The following ACSM6 variants were observed in gnomAD, a reference collection of about 807,000 sequenced individuals.
The protein encoded by ACSM6 is acyl-coenzyme A synthetase ACSM6, mitochondrial.
ACSM6 carries 35 observed loss-of-function variants against 51.1 expected under a neutral mutation model. The observed-to-expected ratio is 0.69, with a 90% CI of 0.52 to 0.91. The LOEUF is 0.91. ACSM6 is among the 40% of genes least tolerant of loss of function. The pLI, the probability that ACSM6 is intolerant of heterozygous loss-of-function variation, is 0.00. For missense variants in ACSM6, 509 were observed against 584.1 expected (o/e 0.87, Z 1.32); for synonymous variants, 172 against 207.3 (o/e 0.83, Z 1.46).
chr10:95,197,319 C>T (rs2034739820), intron 2 of ACSM6, among the ~76,000 whole-genome samples: 1 of 152,154 alleles, frequency 6.6e-6, no homozygotes, highest in South Asian at 2.1e-4. Flanking sequence ...GGGACCGGCA[C>T]TCAGCATACC....
At chr10:95,196,367 A>G (rs1238485490) in intron 2 of ACSM6, among the ~76,000 whole-genome samples, 1 of 152,196 alleles carries the variant, frequency 6.6e-6, no homozygotes, top group East Asian at 1.9e-4. Context: ...CAGCCCAACT[A>G]AACATTGGTT....
At chr10:95,196,840 CTA>C (rs1164782685) in intron 2 of ACSM6, among the ~76,000 whole-genome samples, 1 of 152,138 alleles carries the variant, frequency 6.6e-6, no homozygotes, top group African/African-American at 2.4e-5. Flanking sequence ...TTTAATATCT[CTA>C]TGTTTATAAA....
intron 10 of ACSM6, among the ~76,000 whole-genome samples, chr10:95,226,849 C>T (rs2035044540): frequency 6.6e-6 from 1 of 152,118 alleles, no homozygotes; most frequent in African/African-American, 2.4e-5. Context: ...CCACTATTAA[C>T]ATTTGATGTG....
chr10:95,209,097 A>T (rs1054529402), intron 4 of ACSM6, among the ~76,000 whole-genome samples: 1 of 152,166 alleles, frequency 6.6e-6, no homozygotes, highest in Admixed American at 6.6e-5. Flanking sequence ...GGCAAATTAA[A>T]TAAATTGGTC....
At chr10:95,225,173 G>C (rs1343135941) in intron 9 of ACSM6, 117 bp from the exon 10 acceptor site, 15 of 745,010 alleles carry the variant, frequency 2.0e-5, no homozygotes, top group Middle Eastern at 2.8e-4. Flanking sequence ...CACCAACCAA[G>C]CACTTTCCTG....
chr10:95,212,749 A>T, intron 6 of ACSM6, 109 bp from the exon 7 acceptor site: 1 of 808,500 alleles, frequency 1.2e-6, no homozygotes, highest in Non-Finnish European at 2.1e-6. Context: ...GCTGAGTTTC[A>T]AAGTCTGTGA....
At chr10:95,219,759 A>G (rs1476815767) in intron 8 of ACSM6, 132 bp from the exon 9 acceptor site, 1 of 625,796 alleles carries the variant, frequency 1.6e-6, no homozygotes, top group Non-Finnish European at 2.7e-6. Context: ...ATTTTTTTTT[A>G]ATCAAGATTA....
At chr10:95,210,478 C>G (rs539089265) in intron 4 of ACSM6, among the ~76,000 whole-genome samples, 172 bp from the exon 5 acceptor site, 94 of 151,740 alleles carry the variant, frequency 6.2e-4, no homozygotes, top group Middle Eastern at 3.4e-3. Context: ...AAAATTAATG[C>G]AAAAAAAATT....
intron 9 of ACSM6, among the ~76,000 whole-genome samples, 169 bp from the exon 10 acceptor site, chr10:95,225,121 G>C (rs1358030144): frequency 1.3e-5 from 2 of 152,136 alleles, no homozygotes; most frequent in Non-Finnish European, 2.9e-5. Context: ...TCACACTGAC[G>C]ACTGAACCAC....
At chr10:95,197,763 C>G (rs2034748458) in intron 2 of ACSM6, among the ~76,000 whole-genome samples, 1 of 152,200 alleles carries the variant, frequency 6.6e-6, no homozygotes, top group African/African-American at 2.4e-5. Flanking sequence ...CACCTCAGCA[C>G]AGACCCTTTA....
At chr10:95,210,684 A>G in exon 5 of ACSM6, 1 of 1,613,880 alleles carries the variant, frequency 6.2e-7, no homozygotes, top group Non-Finnish European at 8.5e-7. Flanking sequence ...CATGAGGACC[A>G]AAAGCCAAGA....
chr10:95,210,988 C>T (rs574724751), intron 5 of ACSM6, among the ~76,000 whole-genome samples, 195 bp downstream of exon 5: 1 of 152,194 alleles, frequency 6.6e-6, no homozygotes, highest in Non-Finnish European at 1.5e-5. Context: ...TAAGAGTAAG[C>T]AGGAGGGAAA....
chr10:95,212,176 CT>C, intron 6 of ACSM6, 142 bp downstream of exon 6: 5 of 984,620 alleles, frequency 5.1e-6, no homozygotes, highest in Non-Finnish European at 6.1e-6. Context: ...GCTCTCCCTG[CT>C]TGTGAGAGCA....
intron 4 of ACSM6, among the ~76,000 whole-genome samples, chr10:95,208,528 C>T (rs680829): frequency 0.08 from 12,205 of 152,084 alleles, 619 homozygotes; most frequent in Middle Eastern, 0.24. Flanking sequence ...ATTAAAATAG[C>T]GAGATGATGC....
intron 9 of ACSM6, among the ~76,000 whole-genome samples, chr10:95,222,545 CGCGGGAGGT>C (rs2035003558): frequency 6.6e-6 from 1 of 151,456 alleles, no homozygotes; most frequent in African/African-American, 2.4e-5. Context: ...ATCACTTGAA[CGCGGGAGGT>C]GCAGGTTGTA....
At chr10:95,212,176 C>T in intron 6 of ACSM6, 142 bp downstream of exon 6, 2 of 984,670 alleles carry the variant, frequency 2.0e-6, no homozygotes, top group Non-Finnish European at 3.0e-6. Context: ...GCTCTCCCTG[C>T]TTGTGAGAGC....
At chr10:95,212,775 T>C in intron 6 of ACSM6, 83 bp from the exon 7 acceptor site, 4 of 1,114,096 alleles carry the variant, frequency 3.6e-6, no homozygotes, top group East Asian at 2.4e-5. Flanking sequence ...TTCCCTGGAC[T>C]TTCCCGCCTG....
intron 3 of ACSM6, among the ~76,000 whole-genome samples, chr10:95,204,284 G>A (rs2034820962): frequency 6.6e-6 from 1 of 152,212 alleles, no homozygotes; most frequent in Non-Finnish European, 1.5e-5. Context: ...CGGGCGCAGT[G>A]GCTACGCCTG....
intron 7 of ACSM6, among the ~76,000 whole-genome samples, chr10:95,213,671 C>A (rs1021380835): frequency 6.6e-6 from 1 of 152,164 alleles, no homozygotes; most frequent in Non-Finnish European, 1.5e-5. Context: ...AGCATCATTG[C>A]ACACACCCCA....
Sources: gnomAD v4.1 joint callset for allele counts (sites outside exome capture counted in the v4.1 genomes callset) on GRCh38, gnomAD v4.1.1 for gene constraint, MANE v1.5 for transcripts, NCBI Gene and HGNC (gene_info 2026-07-23, HGNC 2026-07-21) for gene names.